The following TMEM108 variants were observed in gnomAD, a reference collection of about 807,000 sequenced individuals.
TMEM108 encodes the protein transmembrane protein 108.
TMEM108 carries 12 observed loss-of-function variants against 35.1 expected under a neutral mutation model. The ratio of observed to expected loss-of-function variants is 0.34; its 90% CI spans 0.22 to 0.55. The LOEUF is 0.55. TMEM108 is among the 20% of genes least tolerant of loss of function. TMEM108 has a pLI of 0.89. For synonymous variants in TMEM108, 287 were observed against 308.6 expected, an observed-to-expected ratio of 0.93 and a Z score of 0.73; for missense variants, 680 against 753.3, an observed-to-expected ratio of 0.90 and a Z score of 1.14.
intron 3 of TMEM108, among the ~76,000 whole-genome samples, chr3:133,318,330 C>A (rs1203863437): frequency 1.3e-5 from 2 of 152,178 alleles, no homozygotes; most frequent in Non-Finnish European, 2.9e-5. Flanking sequence ...GGGATAGTAA[C>A]TGGTTTACAT....
chr3:133,370,871 A>AGTGTGTGTGTGTGTGTGTGTGTGT (rs71624013), intron 3 of TMEM108, among the ~76,000 whole-genome samples: 50 of 125,552 alleles, frequency 4.0e-4, no homozygotes, highest in Admixed American at 2.3e-3. Flanking sequence ...CCCAGCCCAT[A>AGTGTGTGTGTGTGTGTGTGTGTGT]GTGTGTGTGT....
chr3:133,089,576 A>C (rs1943924397), intron 2 of TMEM108, among the ~76,000 whole-genome samples: 1 of 152,206 alleles, frequency 6.6e-6, no homozygotes, highest in Admixed American at 6.5e-5. Context: ...CTTCATATAA[A>C]TAGTAACTGA....
At chr3:133,264,660 A>G (rs1946672446) in intron 3 of TMEM108, among the ~76,000 whole-genome samples, 1 of 152,160 alleles carries the variant, frequency 6.6e-6, no homozygotes, top group African/African-American at 2.4e-5. Flanking sequence ...TGGCTTTTGG[A>G]ACAGTCCATG....
chr3:133,182,122 G>C (rs1030548807), intron 2 of TMEM108, among the ~76,000 whole-genome samples: 2 of 152,148 alleles, frequency 1.3e-5, no homozygotes, highest in Admixed American at 1.3e-4. Context: ...TTATCTGTCA[G>C]ATGTGTCAAG....
At chr3:133,166,179 T>C (rs34273717) in intron 2 of TMEM108, among the ~76,000 whole-genome samples, 2,139 of 152,252 alleles carry the variant, frequency 0.014, 10 homozygotes, top group Non-Finnish European at 0.023. Flanking sequence ...AATTAAAACA[T>C]AGTTTTTGTT....
chr3:133,347,604 A>C lies in TMEM108; in HGVS notation c.41-32148A>C, dbSNP rs79473816. Among the ~76,000 whole-genome samples the C allele has an allele frequency of 3.4e-3, 524 of 152,072 alleles. 1 individual carries two copies. Among genetic ancestry groups the C allele is most frequent in the Non-Finnish European group, 6.0e-3 (405 of 67,924 alleles). On this transcript the variant is annotated intron_variant, in intron 3 of 5. Coordinates refer to ENST00000321871, the MANE Select transcript of TMEM108 (RefSeq NM_023943.4). ...TGCAAACAAAGTTTTATTTATTCTC[A>C]ATCTGTATACTTGTAGTTCCTTTTC...
At chr3:133,188,328 C>T (rs1435254284) in intron 2 of TMEM108, among the ~76,000 whole-genome samples, 1 of 151,818 alleles carries the variant, frequency 6.6e-6, no homozygotes, top group Non-Finnish European at 1.5e-5. Context: ...ATAGGGGGCC[C>T]TTTCTCCTTC....
Position 133,112,475 on chromosome 3 carries a change from A to G in TMEM108, c.-47+66455A>G, listed in dbSNP as rs78240145. On this transcript the variant is annotated intron_variant, in intron 2 of 5. Coordinates refer to ENST00000321871, the MANE Select transcript of TMEM108 (RefSeq NM_023943.4). ...GGGGGTCTCAGTTATGCCAACTTCTATTATTATAAAGAAACTTTCTGATGT... is the reference window on the plus strand; with the variant it reads ...GGGGGTCTCAGTTATGCCAACTTCTGTTATTATAAAGAAACTTTCTGATGT... Among the ~76,000 whole-genome samples, 877 of 152,278 alleles carry G rather than the reference A, an allele frequency of 5.8e-3. 8 individuals are homozygous for G. Among genetic ancestry groups the G allele is most frequent in the African/African-American group, 0.019 (795 of 41,570 alleles).
chr3:133,182,181 A>G (rs780504672), intron 2 of TMEM108, among the ~76,000 whole-genome samples: 1 of 152,226 alleles, frequency 6.6e-6, no homozygotes, highest in Non-Finnish European at 1.5e-5. Context: ...TAATGGAAGC[A>G]GAGTCCTTTC....
At chr3:133,386,890 C>T in intron 4 of TMEM108, 1 of 652,150 alleles carries the variant, frequency 1.5e-6, no homozygotes, top group Non-Finnish European at 1.9e-6. Context: ...CTTCTATGAC[C>T]TTCAGTTACC....
chr3:133,372,354 C>T (rs2072700863), intron 3 of TMEM108, among the ~76,000 whole-genome samples: 1 of 152,134 alleles, frequency 6.6e-6, no homozygotes, highest in African/African-American at 2.4e-5. Context: ...TGACTTTAAC[C>T]ATATGTGAAT....
chr3:133,145,628 G>A (rs968179347), intron 2 of TMEM108, among the ~76,000 whole-genome samples: 7 of 151,930 alleles, frequency 4.6e-5, no homozygotes, highest in Admixed American at 2.0e-4. Context: ...GTTTGTGTCT[G>A]CTCTTATTTC....
chr3:133,167,003 T>A (rs1945049836), intron 2 of TMEM108, among the ~76,000 whole-genome samples: 1 of 152,156 alleles, frequency 6.6e-6, no homozygotes, highest in Admixed American at 6.5e-5. Flanking sequence ...ACATAAAAGT[T>A]CTCCAAGTCC....
intron 2 of TMEM108, among the ~76,000 whole-genome samples, chr3:133,217,655 A>G (rs1007925892): frequency 3.3e-5 from 5 of 151,902 alleles, no homozygotes; most frequent in African/African-American, 7.2e-5. Context: ...TTGATATTCA[A>G]TTTTCCCAAT....
chr3:133,056,921 C>T (rs1943472037), intron 2 of TMEM108, among the ~76,000 whole-genome samples: 1 of 152,132 alleles, frequency 6.6e-6, no homozygotes, highest in Admixed American at 6.5e-5. Flanking sequence ...CAAAGAATAC[C>T]TCTTTAAAAC....
At chr3:133,308,140 C>T (rs1304182485) in intron 3 of TMEM108, among the ~76,000 whole-genome samples, 1 of 152,074 alleles carries the variant, frequency 6.6e-6, no homozygotes, top group East Asian at 1.9e-4. Flanking sequence ...TGGGAGTTCA[C>T]TCATGATTTG....
intron 2 of TMEM108, among the ~76,000 whole-genome samples, chr3:133,142,490 G>A (rs1944654661): frequency 6.6e-6 from 1 of 152,168 alleles, no homozygotes; most frequent in Admixed American, 6.5e-5. Flanking sequence ...CCTGCTCAGG[G>A]TGGATGTGTG....
intron 2 of TMEM108, among the ~76,000 whole-genome samples, chr3:133,208,555 T>C (rs1945790911): frequency 6.6e-6 from 1 of 152,170 alleles, no homozygotes. Context: ...AGATTGTGCT[T>C]TGGGGACCCA....
chr3:133,300,038 T>C (rs750444484), intron 3 of TMEM108, among the ~76,000 whole-genome samples: 1 of 152,128 alleles, frequency 6.6e-6, no homozygotes, highest in Non-Finnish European at 1.5e-5. Flanking sequence ...CAATGAAGTG[T>C]GTTAATGGCA....
Sources: gnomAD v4.1 joint callset for allele counts (sites outside exome capture counted in the v4.1 genomes callset) on GRCh38, gnomAD v4.1.1 for gene constraint, MANE v1.5 for transcripts, NCBI Gene and HGNC (gene_info 2026-07-23, HGNC 2026-07-21) for gene names.